STX18: variants seen among roughly 807,000 people sequenced by gnomAD.
STX18 encodes the protein syntaxin 18.
A neutral mutation model predicts 50.1 loss-of-function variants in STX18; 40 were observed. That is an observed-to-expected ratio of 0.80 (90% CI 0.62 to 1.04). The LOEUF is 1.04. Ranked by LOEUF, STX18 falls within the 50% of genes least tolerant of loss-of-function variation. The pLI is 0.00. For missense variants in STX18, 410 were observed against 415.8 expected (o/e 0.99, Z 0.12); for synonymous variants, 158 against 151.8 (o/e 1.04, Z -0.30).
At chr4:4,512,088 G>C (rs1730033046) in intron 1 of STX18, among the ~76,000 whole-genome samples, 1 of 151,944 alleles carries the variant, frequency 6.6e-6, no homozygotes, top group African/African-American at 2.4e-5. Context: ...AAGCAAAATT[G>C]CACGAGCCAC....
intron 1 of STX18, among the ~76,000 whole-genome samples, chr4:4,495,503 C>G (rs1357635910): frequency 1.3e-5 from 2 of 151,934 alleles, no homozygotes; most frequent in Admixed American, 6.6e-5. Context: ...ACCCATCTGC[C>G]TCAGCCTCCC....
intron 1 of STX18, among the ~76,000 whole-genome samples, chr4:4,526,211 C>T (rs1012421263): frequency 5.9e-5 from 9 of 152,324 alleles, no homozygotes; most frequent in African/African-American, 2.2e-4. Flanking sequence ...CTCACCGTTA[C>T]TGTGTCAGCT....
At chr4:4,507,592 AG>A (rs1185147481) in intron 1 of STX18, 4 of 763,708 alleles carry the variant, frequency 5.2e-6, no homozygotes, top group Non-Finnish European at 9.8e-6. Flanking sequence ...GCAAGCCTTG[AG>A]GACTTGATCT....
At chr4:4,430,389 G>T (rs1428408137) in intron 7 of STX18, among the ~76,000 whole-genome samples, 1 of 152,170 alleles carries the variant, frequency 6.6e-6, no homozygotes, top group Non-Finnish European at 1.5e-5. Context: ...CAGACTATAA[G>T]ATATGGTACT....
intron 2 of STX18, among the ~76,000 whole-genome samples, chr4:4,460,800 G>A (rs1308044307): frequency 6.6e-6 from 1 of 152,080 alleles, no homozygotes; most frequent in Non-Finnish European, 1.5e-5. Flanking sequence ...TCTGTCCGAG[G>A]GAAGACCCAA....
chr4:4,529,122 C>T (rs1051419650), intron 1 of STX18, among the ~76,000 whole-genome samples: 20 of 152,152 alleles, frequency 1.3e-4, no homozygotes, highest in East Asian at 1.9e-4. Context: ...CCAGCACTTT[C>T]GGAGGCTGAG....
chr4:4,466,890 G>A (rs957045805), intron 2 of STX18, among the ~76,000 whole-genome samples: 1 of 152,074 alleles, frequency 6.6e-6, no homozygotes, highest in Non-Finnish European at 1.5e-5. Context: ...TTGGAGGCTC[G>A]ATTTTTAAAA....
intron 1 of STX18, among the ~76,000 whole-genome samples, chr4:4,530,488 A>G (rs574046947): frequency 7.9e-5 from 12 of 152,084 alleles, no homozygotes; most frequent in African/African-American, 2.7e-4. Flanking sequence ...TAGTGTCTCT[A>G]TGTAAGGTAC....
chr4:4,498,858 T>C (rs1032699975), intron 1 of STX18, among the ~76,000 whole-genome samples: 1 of 152,218 alleles, frequency 6.6e-6, no homozygotes, highest in South Asian at 2.1e-4. Flanking sequence ...ACAGAATTTC[T>C]TTCTCTGAAG....
intron 1 of STX18, among the ~76,000 whole-genome samples, chr4:4,520,178 A>G (rs1187601363): frequency 1.3e-5 from 2 of 152,218 alleles, no homozygotes; most frequent in African/African-American, 4.8e-5. Context: ...AGACTCTTAC[A>G]TTAAAATGGT....
At chr4:4,423,346 C>T (rs1301738474) in intron 9 of STX18, among the ~76,000 whole-genome samples, 172 bp downstream of exon 9, 1 of 152,216 alleles carries the variant, frequency 6.6e-6, no homozygotes, top group Non-Finnish European at 1.5e-5. Flanking sequence ...AGAGGCAGCT[C>T]TGGGTAGTGA....
intron 1 of STX18, among the ~76,000 whole-genome samples, chr4:4,489,335 G>A (rs16835767): frequency 0.015 from 2,180 of 143,388 alleles, 44 homozygotes; most frequent in African/African-American, 0.053. Flanking sequence ...CATTATGATC[G>A]TCTTTGGAGT....
intron 5 of STX18, among the ~76,000 whole-genome samples, chr4:4,442,958 A>G (rs1193223082): frequency 6.6e-6 from 1 of 152,234 alleles, no homozygotes; most frequent in Non-Finnish European, 1.5e-5. Context: ...GATGATGCAT[A>G]TTAACAACTA....
chr4:4,508,053 C>T (rs1243005168), intron 1 of STX18, among the ~76,000 whole-genome samples: 2 of 152,146 alleles, frequency 1.3e-5, no homozygotes, highest in Non-Finnish European at 2.9e-5. Flanking sequence ...TCAACACTAG[C>T]TGGCCTTCCA....
intron 1 of STX18, among the ~76,000 whole-genome samples, chr4:4,523,339 T>C (rs1560208642): frequency 6.6e-6 from 1 of 152,064 alleles, no homozygotes; most frequent in Admixed American, 6.5e-5. Context: ...TGACTTGAAA[T>C]TCCCCTTGGG....
Position 4,434,855 on chromosome 4 carries a change from T to A in STX18, c.617A>T (p.Lys206Ile), listed in dbSNP as rs764685617. 9.4e-6 allele frequency: 15 copies of A among 1,599,060 alleles called. No homozygotes were observed. The highest frequency in any genetic ancestry group is 2.7e-5 in the African/African-American group (2 of 73,852). Residue 206 changes from lysine (K) to isoleucine (I), a missense_variant, in exon 7 of 11, where the codon AAA (lysine) becomes ATA (isoleucine). Coordinates refer to ENST00000306200, the MANE Select transcript of STX18 (RefSeq NM_016930.4). ...ENPATEERPE[K>I]ILAETQPELG... ...TTCAGGTTGTGTTTCAGCCAAAATT[T>A]TTTCTGTTAAAAAAAAAATTGAAAA...
chr4:4,521,451 C>A (rs1430402513), intron 1 of STX18, among the ~76,000 whole-genome samples: 1 of 152,078 alleles, frequency 6.6e-6, no homozygotes, highest in Admixed American at 6.5e-5. Context: ...AATCAATCTC[C>A]AAGTATGCAT....
chr4:4,508,516 A>G (rs907142289), intron 1 of STX18, among the ~76,000 whole-genome samples: 14 of 152,190 alleles, frequency 9.2e-5, no homozygotes, highest in African/African-American at 3.4e-4. Context: ...AGTTAACAAG[A>G]AGGAGCTGCT....
intron 1 of STX18, chr4:4,499,456 C>T: frequency 8.1e-6 from 8 of 982,100 alleles, no homozygotes; most frequent in Non-Finnish European, 9.7e-6. Context: ...GAAAAACTTA[C>T]CTTTTAGAAA....
Sources: gnomAD v4.1 joint callset for allele counts (sites outside exome capture counted in the v4.1 genomes callset) on GRCh38, gnomAD v4.1.1 for gene constraint, MANE v1.5 for transcripts, NCBI Gene and HGNC (gene_info 2026-07-23, HGNC 2026-07-21) for gene names.